EPG5: variants seen among roughly 807,000 people sequenced by gnomAD.
The protein encoded by EPG5 is ectopic P granules protein 5 homolog.
A neutral mutation model predicts 302.7 loss-of-function variants in EPG5; 159 were observed. The ratio of observed to expected loss-of-function variants is 0.53; its 90% CI spans 0.46 to 0.60. The LOEUF (loss-of-function observed/expected upper bound fraction) is 0.60, where lower values mean the gene tolerates loss of function less well. EPG5 is among the 20% of genes least tolerant of loss of function. The pLI, the probability that EPG5 is intolerant of heterozygous loss-of-function variation, is 0.00. For missense variants in EPG5, 2,896 were observed against 3,092.4 expected (o/e 0.94, Z 1.51); for synonymous variants, 1,158 against 1,136.8 (o/e 1.02, Z -0.37).
the EPG5 span, chr18:45,825,592 A>T: frequency 1.2e-6 from 1 of 814,866 alleles, no homozygotes; most frequent in Non-Finnish European, 2.0e-6. Context: ...CGGCTCCCGC[A>T]GAGCCCACAG....
At chr18:45,915,929 C>A in intron 19 of EPG5, 80 bp downstream of exon 19, 3 of 1,287,996 alleles carry the variant, frequency 2.3e-6, no homozygotes, top group Non-Finnish European at 3.2e-6. Flanking sequence ...GAACTGAAAA[C>A]TGTACTTGGG....
At position 45,851,189 on chromosome 18, in the gene EPG5, A is replaced by G. The variant is rs2048418830; in HGVS notation, c.*1278T>C. ...ATAAACATTCTTGGTGGCTGTTTAGACATTTTTAGGTAAATATTCTCAGGC... is the reference window on the plus strand; with the variant it reads ...ATAAACATTCTTGGTGGCTGTTTAGGCATTTTTAGGTAAATATTCTCAGGC... On this transcript the variant is annotated 3_prime_UTR_variant, in exon 44 of 44. Coordinates refer to ENST00000282041, the MANE Select transcript of EPG5 (RefSeq NM_020964.3). 1 of 152,226 alleles carries G rather than the reference A, an allele frequency of 6.6e-6. No homozygotes were observed. Among genetic ancestry groups the G allele is most frequent in the South Asian group, 2.1e-4 (1 of 4,828 alleles). 9.4% of individuals were successfully genotyped at this position (152,226 alleles called of 1,614,324 possible).
intron 5 of EPG5, among the ~76,000 whole-genome samples, chr18:45,948,929 G>C (rs530639416): frequency 2.1e-3 from 323 of 152,344 alleles, no homozygotes; most frequent in Non-Finnish European, 3.6e-3. Context: ...AAAAGGAGGT[G>C]TGGAGAAGCT....
At chr18:45,946,991 G>C (rs551912970) in intron 6 of EPG5, among the ~76,000 whole-genome samples, 1 of 152,334 alleles carries the variant, frequency 6.6e-6, no homozygotes, top group African/African-American at 2.4e-5. Context: ...TTGCAGAAAA[G>C]CAGCTACACT....
At chr18:45,859,957 C>A in intron 40 of EPG5, 147 bp downstream of exon 40, 1 of 1,049,972 alleles carries the variant, frequency 9.5e-7, no homozygotes. Context: ...TACGTATATT[C>A]AGAAACATCC....
At chr18:45,806,635 ACT>A in the EPG5 span, among the ~76,000 whole-genome samples, 1 of 151,864 alleles carries the variant, frequency 6.6e-6, no homozygotes, top group Admixed American at 6.6e-5. Flanking sequence ...ACAGGAGAAG[ACT>A]CTGACCTTAC....
rs1182793566 is a variant in EPG5, at chr18:45,882,261, T to C, written c.5518+13A>G. ...TAAGATCTAGTTAGTTACAATTAAATGAAGACACTTACTTTGCATAAGCAG... is the reference window on the plus strand; with the variant it reads ...TAAGATCTAGTTAGTTACAATTAAACGAAGACACTTACTTTGCATAAGCAG... On this transcript the variant is annotated intron_variant, in intron 31 of 43. Coordinates refer to ENST00000282041, the MANE Select transcript of EPG5 (RefSeq NM_020964.3). The C allele has an allele frequency of 1.9e-5, 31 of 1,597,120 alleles. No individual in the cohort carries two copies. Among genetic ancestry groups the C allele is most frequent in the Non-Finnish European group, 2.7e-5 (31 of 1,165,144 alleles).
intron 39 of EPG5, among the ~76,000 whole-genome samples, chr18:45,862,419 C>T (rs997088581): frequency 5.3e-5 from 8 of 152,158 alleles, no homozygotes; most frequent in South Asian, 2.1e-4. Context: ...GTAAGTGATA[C>T]GGTTTGGATC....
chr18:45,879,181 A>G lies in EPG5; in HGVS notation c.5701T>C (p.Phe1901Leu), dbSNP rs746556448. Residue 1901 changes from phenylalanine (F) to leucine (L), a missense_variant, in exon 33 of 44, where the codon TTT (phenylalanine) becomes CTT (leucine). By Grantham distance (22) the Phe-to-Leu change is conservative (BLOSUM62 0). Coordinates refer to ENST00000282041, the MANE Select transcript of EPG5 (RefSeq NM_020964.3). ...ATCTTGGATAACCGAAGCTTATAAA[A>G]AAAGTCTGAAAGCCACTGTATAGTC... ...METIQWLSDF[F>L]YKLRLSKMDF... 1.7e-5 allele frequency: 27 copies of G among 1,613,644 alleles called. No individual in the cohort carries two copies. Among genetic ancestry groups the G allele is most frequent in the Non-Finnish European group, 2.1e-5 (25 of 1,179,966 alleles).
chr18:45,943,082 TC>T, intron 9 of EPG5, 78 bp downstream of exon 9: 1 of 1,381,446 alleles, frequency 7.2e-7, no homozygotes. Context: ...AACTAAAACG[TC>T]CATCATCCCA....
At chr18:45,886,211 TAAAGA>T (rs1335716025) in intron 29 of EPG5, among the ~76,000 whole-genome samples, 20 of 152,174 alleles carry the variant, frequency 1.3e-4, no homozygotes, top group Non-Finnish European at 1.9e-4. Flanking sequence ...GAAATTATCC[TAAAGA>T]AAATAGTCCA....
chr18:45,955,109 C>T lies in EPG5; in HGVS notation c.293G>A (p.Cys98Tyr), dbSNP rs2050997943. ...LTISNEESLT[C>Y]NTEPPKEGGE... is the part of the protein sequence containing the mutation. The stretch of plus-strand genomic sequence containing the variant: ...CCCTTCCTTTGGGGGCTCTGTGTTA[C>T]ACGTCAGGGACTCTTCATTGCTTAT... Residue 98 changes from cysteine (C) to tyrosine (Y), a missense_variant, in exon 2 of 44, where the codon TGT (cysteine) becomes TAT (tyrosine). Coordinates refer to ENST00000282041, the MANE Select transcript of EPG5 (RefSeq NM_020964.3). The T allele has an allele frequency of 1.9e-6, 3 of 1,613,828 alleles. No individual in the cohort carries two copies. The highest frequency in any genetic ancestry group is 2.5e-6 in the Non-Finnish European group (3 of 1,179,904).
At chr18:45,883,614 GTTTTTTTTTT>G (rs1174930322) in intron 30 of EPG5, among the ~76,000 whole-genome samples, 1 of 60,718 alleles carries the variant, frequency 1.6e-5, no homozygotes, top group African/African-American at 5.9e-5. Flanking sequence ...CTAGCCTGGT[GTTTTTTTTTT>G]TTTTTTTTTT....
In EPG5 at chr18:45,945,054, C is replaced by A. The variant is rs973950333; in HGVS notation, c.1678-935G>T. On this transcript the variant is annotated intron_variant, in intron 7 of 43. Transcript: ENST00000282041. The stretch of plus-strand genomic sequence containing the variant: ...CTTAGGACATGACCATTAAAAAGGA[C>A]GCTACCATTAAAAAGGGAAGGAAGT... Among the ~76,000 whole-genome samples the A allele has an allele frequency of 7.2e-5, 11 of 152,052 alleles. 1 individual carries two copies. The highest frequency in any genetic ancestry group is 1.2e-4 in the African/African-American group (5 of 41,402).
rs1347881051 is a variant in EPG5 at position 45,884,113 on chromosome 18, GT to G, written c.5304+503del. Among the ~76,000 whole-genome samples the G allele has an allele frequency of 5.3e-5, 8 of 152,086 alleles. No individual in the cohort carries two copies. The East Asian group carries it at 1.5e-3, about 29-fold the overall frequency. ...ATGAATATTTTCAAAACTGTATTAAGTTTTTAAAAAGGGGTGGGAATTAGGT... is the reference window on the plus strand; with the variant it reads ...ATGAATATTTTCAAAACTGTATTAAGTTTTAAAAAGGGGTGGGAATTAGGT... On this transcript the variant is annotated intron_variant, in intron 30 of 43. Coordinates refer to ENST00000282041, the MANE Select transcript of EPG5 (RefSeq NM_020964.3).
In EPG5 at chr18:45,939,590, T is replaced by C. The variant is rs1568173246; in HGVS notation, c.2099+10A>G. On this transcript the variant is annotated intron_variant, in intron 10 of 43. Transcript: ENST00000282041. Reference sequence around the variant, plus strand: ...ACTTCTCACTAAATATCATCATATGTCTTACTTACCTTTTGGCCTTCAGCA... The same window carrying C: ...ACTTCTCACTAAATATCATCATATGCCTTACTTACCTTTTGGCCTTCAGCA... 1.2e-6 allele frequency: 2 copies of C among 1,613,688 alleles called. No individual in the cohort carries two copies. The highest frequency in any genetic ancestry group is 1.7e-5 in the Admixed American group (1 of 60,000).
chr18:45,960,766 T>C (rs1033053044), intron 1 of EPG5, among the ~76,000 whole-genome samples: 1 of 152,178 alleles, frequency 6.6e-6, no homozygotes, highest in Non-Finnish European at 1.5e-5. Flanking sequence ...AGTGTGTGTA[T>C]GTGTACACTC....
intron 42 of EPG5, among the ~76,000 whole-genome samples, chr18:45,856,225 G>T (rs561593969): frequency 6.6e-6 from 1 of 152,164 alleles, no homozygotes; most frequent in Admixed American, 6.5e-5. Context: ...AACAAACGAA[G>T]TATGGATACA....
intron 8 of EPG5, among the ~76,000 whole-genome samples, 189 bp from the exon 9 acceptor site, chr18:45,943,500 A>C (rs1374788289): frequency 6.6e-6 from 1 of 152,164 alleles, no homozygotes; most frequent in Non-Finnish European, 1.5e-5. Flanking sequence ...ATTAAAAACA[A>C]TTTATTTAAG....
Sources: allele counts gnomAD v4.1 joint callset (sites outside exome capture counted in the v4.1 genomes callset), GRCh38; gene constraint gnomAD v4.1.1; transcripts MANE v1.5; gene names NCBI Gene and HGNC (gene_info 2026-07-23, HGNC 2026-07-21).